The following GALNT14 variants were observed in gnomAD, a reference collection of about 807,000 sequenced individuals.
The protein encoded by GALNT14 is UDP-GalNAc:polypeptide N-acetylgalactosaminyltransferase 14.
In GALNT14, 60 loss-of-function variants were observed where a neutral mutation model predicts 77.5. The ratio of observed to expected loss-of-function variants is 0.77; its 90% confidence interval spans 0.63 to 0.96. The LOEUF (loss-of-function observed/expected upper bound fraction) is 0.96. Ranked by LOEUF, GALNT14 falls within the 40% of genes least tolerant of loss-of-function variation. GALNT14 has a pLI of 0.00. For synonymous variants in GALNT14, 280 were observed against 281.7 expected (o/e 0.99, Z 0.06); for missense variants, 710 against 731.0 (o/e 0.97, Z 0.33).
intron 1 of GALNT14, among the ~76,000 whole-genome samples, chr2:31,077,074 T>G (rs1220514395): frequency 6.6e-6 from 1 of 152,224 alleles, no homozygotes. Context: ...AGCTTCTGTT[T>G]ATTGGATTCT....
chr2:30,924,757 A>G lies in GALNT14; in HGVS notation c.1218T>C (p.Asn406=). The change falls in exon 12 of 15, where the codon AAT becomes AAC. Residue 406 remains asparagine, a synonymous_variant. Coordinates refer to ENST00000349752, the MANE Select transcript of GALNT14 (RefSeq NM_024572.4). ...ACGGATACCTGAGTTCAGGGTAGAT[A>G]TTCTCCAGGTACCACTTGAAGCTCT... is the stretch of plus-strand genomic sequence containing the variant. ...RCQSFKWYLE[N]IYPELSIPKE... is the part of the protein sequence containing the mutation. 1 of 1,614,036 alleles carries G rather than the reference A, an allele frequency of 6.2e-7. No homozygotes were observed. The highest frequency in any genetic ancestry group is 8.5e-7 in the Non-Finnish European group (1 of 1,179,930).
chr2:30,975,979 C>G (rs77755293), intron 2 of GALNT14, among the ~76,000 whole-genome samples: 3,569 of 152,228 alleles, frequency 0.023, 144 homozygotes, highest in East Asian at 0.21. Flanking sequence ...TAGAAAATCT[C>G]CCTCCTGTCT....
chr2:31,069,454 C>T (rs1273766547), intron 1 of GALNT14, among the ~76,000 whole-genome samples: 2 of 152,186 alleles, frequency 1.3e-5, no homozygotes, highest in Admixed American at 6.5e-5. Context: ...CACAATAGCC[C>T]TAGGAAGGAA....
intron 1 of GALNT14, among the ~76,000 whole-genome samples, chr2:31,111,595 T>C (rs1177571215): frequency 1.4e-5 from 2 of 147,904 alleles, no homozygotes; most frequent in East Asian, 1.9e-4. Context: ...CCACCACAAA[T>C]TGCAAAAAAA....
chr2:31,100,187 G>T (rs1192094254), intron 1 of GALNT14, among the ~76,000 whole-genome samples: 1 of 151,952 alleles, frequency 6.6e-6, no homozygotes, highest in Non-Finnish European at 1.5e-5. Flanking sequence ...TTGATAGGTG[G>T]TTGGAAACTG....
chr2:31,110,700 A>AT (rs1359929234), intron 1 of GALNT14, among the ~76,000 whole-genome samples: 7 of 151,678 alleles, frequency 4.6e-5, no homozygotes, highest in African/African-American at 7.3e-5. Flanking sequence ...AATCACCACA[A>AT]TTTTTTTTTC....
At chr2:31,116,894 C>G (rs1028084889) in intron 1 of GALNT14, among the ~76,000 whole-genome samples, 3 of 151,934 alleles carry the variant, frequency 2.0e-5, no homozygotes, top group Non-Finnish European at 1.5e-5. Flanking sequence ...CAAAATTAGC[C>G]AGGTGTGGGG....
intron 1 of GALNT14, among the ~76,000 whole-genome samples, chr2:31,010,337 T>C (rs1034499524): frequency 8.5e-5 from 13 of 152,176 alleles, no homozygotes; most frequent in African/African-American, 2.2e-4. Flanking sequence ...TGGTAGCTCA[T>C]GCCTGTAATC....
chr2:30,961,253 T>C (rs1294711496), intron 3 of GALNT14, among the ~76,000 whole-genome samples: 1 of 152,246 alleles, frequency 6.6e-6, no homozygotes, highest in Non-Finnish European at 1.5e-5. Context: ...AATAAGGAAA[T>C]GTATTTGAAA....
intron 1 of GALNT14, among the ~76,000 whole-genome samples, chr2:31,094,367 C>G (rs765527230): frequency 4.6e-5 from 7 of 152,202 alleles, no homozygotes; most frequent in African/African-American, 7.2e-5. Flanking sequence ...TCTTTTTGGA[C>G]TTAGTCCACC....
At chr2:31,123,904 C>T (rs1179193696) in intron 1 of GALNT14, among the ~76,000 whole-genome samples, 3 of 152,156 alleles carry the variant, frequency 2.0e-5, no homozygotes, top group Non-Finnish European at 4.4e-5. Flanking sequence ...CACCATTAAA[C>T]AGCATCCCCA....
chr2:30,991,674 A>G (rs912126751), intron 2 of GALNT14, among the ~76,000 whole-genome samples: 9 of 152,182 alleles, frequency 5.9e-5, no homozygotes, highest in African/African-American at 1.9e-4. Context: ...TGCTATATTC[A>G]TAGGGAAACC....
chr2:31,102,124 A>C (rs1202995205), intron 1 of GALNT14, among the ~76,000 whole-genome samples: 1 of 152,036 alleles, frequency 6.6e-6, no homozygotes, highest in African/African-American at 2.4e-5. Flanking sequence ...TACACCCCCA[A>C]ACCAGCTTTG....
rs116130914 is a variant in GALNT14 at position 31,024,139 on chromosome 2, A to G, written c.130-31132T>C. Among the ~76,000 whole-genome samples the G allele has an allele frequency of 9.5e-3, 1,441 of 152,148 alleles. 19 individuals carry two copies. The highest frequency in any genetic ancestry group is 0.031 in the African/African-American group (1,293 of 41,502). On this transcript the variant is annotated intron_variant, in intron 1 of 14. Transcript: ENST00000349752. Reference sequence around the variant, plus strand: ...CTCCTCTATCTCAATCCCTACTGTCAGCAAACCCTGTGGACTCCTCCTTGA... The same window carrying G: ...CTCCTCTATCTCAATCCCTACTGTCGGCAAACCCTGTGGACTCCTCCTTGA...
At chr2:31,081,182 A>G (rs2148584152) in intron 1 of GALNT14, among the ~76,000 whole-genome samples, 1 of 152,356 alleles carries the variant, frequency 6.6e-6, no homozygotes, top group Non-Finnish European at 1.5e-5. Context: ...CTGTTTCAGA[A>G]ATGGTAAAGC....
At chr2:30,901,546 A>C in the GALNT14 span, among the ~76,000 whole-genome samples, 1 of 151,636 alleles carries the variant, frequency 6.6e-6, no homozygotes, top group Non-Finnish European at 1.5e-5. Context: ...ATACATATAT[A>C]TGAGTATGTA....
chr2:30,935,703 C>T (rs746034603), intron 9 of GALNT14, among the ~76,000 whole-genome samples: 1 of 152,216 alleles, frequency 6.6e-6, no homozygotes, highest in Non-Finnish European at 1.5e-5. Flanking sequence ...CCCTTATCTA[C>T]ATCACCAGCT....
intron 1 of GALNT14, among the ~76,000 whole-genome samples, chr2:31,099,518 T>G (rs1484185567): frequency 6.6e-6 from 1 of 152,120 alleles, no homozygotes; most frequent in African/African-American, 2.4e-5. Context: ...TCTGGTACTT[T>G]CATAGTCTTG....
At chr2:30,932,501 G>A (rs1665799293) in intron 9 of GALNT14, among the ~76,000 whole-genome samples, 1 of 152,262 alleles carries the variant, frequency 6.6e-6, no homozygotes, top group Non-Finnish European at 1.5e-5. Context: ...CTGGAAAGGA[G>A]GAGCCTTGGG....
Sources: gnomAD v4.1 joint callset for allele counts (sites outside exome capture counted in the v4.1 genomes callset) on GRCh38, gnomAD v4.1.1 for gene constraint, MANE v1.5 for transcripts, NCBI Gene and HGNC (gene_info 2026-07-23, HGNC 2026-07-21) for gene names.